Variants in PRKD1 observed in about 807,000 individuals in gnomAD.
PRKD1 encodes protein kinase D1, also known as serine/threonine-protein kinase D1.
Under a neutral mutation model 95.9 loss-of-function variants are expected in PRKD1, and 63 were observed. The observed-to-expected ratio is 0.66, with a 90% CI of 0.54 to 0.81. The LOEUF (loss-of-function observed/expected upper bound fraction) is 0.81. Ranked by LOEUF, PRKD1 falls within the 30% of genes least tolerant of loss-of-function variation. PRKD1 has a pLI of 0.00. For missense variants in PRKD1, 1,048 were observed against 1,165.3 expected, an observed-to-expected ratio of 0.90 and a Z score of 1.47; for synonymous variants, 425 against 423.1, an observed-to-expected ratio of 1.00 and a Z score of -0.05.
intron 1 of PRKD1, among the ~76,000 whole-genome samples, chr14:29,755,541 C>T (rs1412060909): frequency 1.3e-5 from 2 of 152,108 alleles, no homozygotes; most frequent in Admixed American, 6.6e-5. Context: ...CTGGTTGATA[C>T]GGCTTTGTGT....
At chr14:29,917,960 G>A (rs1894949185) in intron 1 of PRKD1, among the ~76,000 whole-genome samples, 1 of 151,472 alleles carries the variant, frequency 6.6e-6, no homozygotes, top group African/African-American at 2.4e-5. Context: ...TTAGTTTCTG[G>A]GGTACATGTA....
intron 16 of PRKD1, among the ~76,000 whole-genome samples, chr14:29,587,886 C>A (rs1480520244): frequency 6.6e-6 from 1 of 152,074 alleles, no homozygotes; most frequent in Non-Finnish European, 1.5e-5. Flanking sequence ...GAATGTTAAA[C>A]CCCAGTGGAG....
chr14:29,734,411 CT>C, intron 1 of PRKD1, among the ~76,000 whole-genome samples: 1 of 152,006 alleles, frequency 6.6e-6, no homozygotes, highest in Non-Finnish European at 1.5e-5. Context: ...ACTTTGTTGC[CT>C]TTTTTTAATG....
intron 2 of PRKD1, among the ~76,000 whole-genome samples, chr14:29,693,101 T>C (rs569181045): frequency 6.6e-6 from 1 of 152,280 alleles, no homozygotes; most frequent in African/African-American, 2.4e-5. Flanking sequence ...ACATCTATTA[T>C]TTACTTAGAA....
intron 2 of PRKD1, among the ~76,000 whole-genome samples, chr14:29,706,377 G>C (rs1885091725): frequency 6.6e-6 from 1 of 151,946 alleles, no homozygotes; most frequent in East Asian, 1.9e-4. Flanking sequence ...TGTTTTCCAG[G>C]AAATCTTGTT....
chr14:29,748,836 T>C (rs1181600606), intron 1 of PRKD1, among the ~76,000 whole-genome samples: 2 of 152,200 alleles, frequency 1.3e-5, no homozygotes, highest in Non-Finnish European at 2.9e-5. Flanking sequence ...ATATTAAGTT[T>C]TCAATTAAAA....
chr14:29,869,277 T>C (rs1893020469), intron 1 of PRKD1, among the ~76,000 whole-genome samples: 2 of 151,940 alleles, frequency 1.3e-5, no homozygotes, highest in Admixed American at 6.6e-5. Context: ...ACCCTATCTG[T>C]ACTAAAAATA....
rs745678509 is a variant in PRKD1, at chr14:29,624,127, C to T, written c.1905+25G>A. 4.6e-6 allele frequency: 7 copies of T among 1,526,514 alleles called. No homozygotes were observed. In the South Asian group the frequency reaches 7.2e-5, roughly 16 times the overall value. 94.6% of individuals were successfully genotyped at this position (1,526,514 alleles called of 1,614,324 possible). ...AGGATGAGGGATTTTTATACCCTTT[C>T]CCCAAATGAGAACCAAAGAAGTACC... On this transcript the variant is annotated intron_variant, in intron 13 of 17. Transcript: ENST00000331968.
At chr14:29,594,199 G>T in intron 16 of PRKD1, 1 of 436,930 alleles carries the variant, frequency 2.3e-6, no homozygotes, top group East Asian at 7.2e-5. Flanking sequence ...ACATAATAAA[G>T]AAATTTGTAA....
chr14:29,733,980 T>C (rs968330079), intron 1 of PRKD1, among the ~76,000 whole-genome samples: 11 of 151,424 alleles, frequency 7.3e-5, no homozygotes, highest in African/African-American at 2.7e-4. Context: ...ATTTCTGGTC[T>C]GTTTCCATTA....
chr14:29,883,319 A>G (rs1158200676), intron 1 of PRKD1, among the ~76,000 whole-genome samples: 2 of 152,182 alleles, frequency 1.3e-5, no homozygotes, highest in Admixed American at 1.3e-4. Context: ...TATCCAAACT[A>G]TATCAGCTGC....
intron 1 of PRKD1, among the ~76,000 whole-genome samples, chr14:29,869,820 G>A (rs1893040285): frequency 6.6e-6 from 1 of 152,194 alleles, no homozygotes; most frequent in African/African-American, 2.4e-5. Context: ...CAAACAAGGA[G>A]CCCAATGTAG....
chr14:29,599,851 GA>G (rs1181204060), intron 13 of PRKD1, 34 bp from the exon 14 acceptor site: 2 of 1,579,212 alleles, frequency 1.3e-6, no homozygotes, highest in Non-Finnish European at 1.7e-6. Context: ...TGAAGAAAAT[GA>G]GTTTTTTGAT....
chr14:29,771,596 A>C (rs1478759288), intron 1 of PRKD1, among the ~76,000 whole-genome samples: 1 of 152,138 alleles, frequency 6.6e-6, no homozygotes, highest in Non-Finnish European at 1.5e-5. Flanking sequence ...ATTGAGGCCC[A>C]GGTAGAGAGT....
intron 1 of PRKD1, among the ~76,000 whole-genome samples, chr14:29,879,219 G>A (rs994822833): frequency 6.6e-6 from 1 of 152,166 alleles, no homozygotes; most frequent in Non-Finnish European, 1.5e-5. Context: ...GATATGGTTT[G>A]ACTATGTCCC....
At chr14:29,923,249 C>T (rs865986489) in intron 1 of PRKD1, among the ~76,000 whole-genome samples, 4 of 145,310 alleles carry the variant, frequency 2.8e-5, no homozygotes, top group Non-Finnish European at 6.0e-5. Context: ...AAAAAAAACA[C>T]ACAGTAAAAT....
intron 1 of PRKD1, among the ~76,000 whole-genome samples, chr14:29,762,750 A>G (rs368046948): frequency 1.6e-5 from 2 of 127,796 alleles, no homozygotes; most frequent in African/African-American, 5.7e-5. Flanking sequence ...ATATATTACT[A>G]TCTATACTAA....
chr14:29,769,822 A>G (rs116215342), intron 1 of PRKD1, among the ~76,000 whole-genome samples: 9 of 152,354 alleles, frequency 5.9e-5, no homozygotes, highest in African/African-American at 2.2e-4. Context: ...AACACTGTAG[A>G]TGTACTTATA....
chr14:29,643,039 G>A (rs76114134), intron 4 of PRKD1, among the ~76,000 whole-genome samples: 4,260 of 151,690 alleles, frequency 0.028, 181 homozygotes, highest in African/African-American at 0.091. Flanking sequence ...TTAAAATTTC[G>A]TTTTTTATAA....
Sources: allele counts gnomAD v4.1 joint callset (sites outside exome capture counted in the v4.1 genomes callset), GRCh38; gene constraint gnomAD v4.1.1; transcripts MANE v1.5; gene names NCBI Gene and HGNC (gene_info 2026-07-23, HGNC 2026-07-21).